Variants in MGAT4C observed in about 807,000 individuals in gnomAD.
MGAT4C encodes the protein MGAT4 family member C.
MGAT4C carries 19 observed loss-of-function variants against 40.1 expected under a neutral mutation model. The ratio of observed to expected loss-of-function variants is 0.47; its 90% CI spans 0.33 to 0.70. The LOEUF is 0.70. Ranked by LOEUF, MGAT4C falls within the 30% of genes least tolerant of loss-of-function variation. The pLI is 0.02. For missense variants in MGAT4C, 491 were observed against 563.2 expected (o/e 0.87, Z 1.30); for synonymous variants, 181 against 187.1 (o/e 0.97, Z 0.27).
At chr12:86,046,767 C>G (rs1304083286) in intron 2 of MGAT4C, among the ~76,000 whole-genome samples, 2 of 152,102 alleles carry the variant, frequency 1.3e-5, no homozygotes, top group African/African-American at 4.8e-5. Context: ...TGTCACAATA[C>G]ACAGTGAAGG....
At chr12:86,628,108 T>G (rs193074020) in intron 2 of MGAT4C, among the ~76,000 whole-genome samples, 1 of 152,284 alleles carries the variant, frequency 6.6e-6, no homozygotes, top group Non-Finnish European at 1.5e-5. Context: ...TGCACAAGCT[T>G]CAGTAGCTGA....
In MGAT4C at chr12:86,807,634, T is replaced by C. The variant is rs565305395; in HGVS notation, c.-262+31032A>G. On this transcript the variant is annotated intron_variant, in intron 1 of 7. Coordinates refer to the MGAT4C transcript ENST00000548651. ...AGAATGATTTATATTCCTTTGCATA[T>C]ATAACCACTAATGGGATTGCTGGGT... Among the ~76,000 whole-genome samples the C allele has an allele frequency of 2.0e-5, 3 of 152,284 alleles. No homozygotes were observed. The East Asian group carries it at 5.8e-4, about 29-fold the overall frequency.
rs1275637736 is a variant in MGAT4C at position 85,967,890 on chromosome 12, C to T, written c.*11399G>A. ...TGTTTTTCTTGACTCAAATAGCTAT[C>T]TCAAGTTTCGTACACTTTTTAGATC... On this transcript the variant is annotated 3_prime_UTR_variant, in exon 5 of 5. Transcript: ENST00000611864. 2 of 152,008 alleles carry T rather than the reference C, an allele frequency of 1.3e-5. No homozygotes were observed. Among genetic ancestry groups the T allele is most frequent in the African/African-American group, 4.8e-5 (2 of 41,424 alleles). 9.4% of individuals were successfully genotyped at this position (152,008 alleles called of 1,614,324 possible).
At chr12:86,695,994 G>A (rs143767045) in intron 2 of MGAT4C, among the ~76,000 whole-genome samples, 4,730 of 152,004 alleles carry the variant, frequency 0.031, 120 homozygotes, top group African/African-American at 0.074. Flanking sequence ...GGCAGATCAT[G>A]AGGTCAGGAG....
intron 1 of MGAT4C, among the ~76,000 whole-genome samples, chr12:86,248,487 C>T (rs1365768364): frequency 6.6e-6 from 1 of 152,018 alleles, no homozygotes; most frequent in African/African-American, 2.4e-5. Flanking sequence ...CCCTCAGAAC[C>T]ATGTTCTCTT....
intron 1 of MGAT4C, among the ~76,000 whole-genome samples, chr12:86,061,314 G>A (rs778689935): frequency 2.0e-5 from 3 of 151,984 alleles, no homozygotes; most frequent in African/African-American, 2.4e-5. Context: ...CTTGAGGAAC[G>A]GTGCACTCCA....
rs1466485425 is a variant in MGAT4C at position 86,067,455 on chromosome 12, G to C, written c.-56-17732C>G. Among the ~76,000 whole-genome samples the C allele has an allele frequency of 1.4e-4, 21 of 150,224 alleles. No individual in the cohort carries two copies. In the Admixed American group the frequency reaches 1.4e-3, roughly 10 times the overall value. On this transcript the variant is annotated intron_variant, in intron 1 of 4. Transcript: ENST00000611864. Reference sequence around the variant, plus strand: ...CATACTTCTCAGCAAACTAACACAAGAACAGAAAACCAAACACCACATGTT... The same window carrying C: ...CATACTTCTCAGCAAACTAACACAACAACAGAAAACCAAACACCACATGTT...
At chr12:86,159,752 T>A (rs1259970011) in intron 1 of MGAT4C, among the ~76,000 whole-genome samples, 1 of 152,096 alleles carries the variant, frequency 6.6e-6, no homozygotes, top group African/African-American at 2.4e-5. Context: ...CCTCATTCAA[T>A]CTTGGGAGAT....
At chr12:86,057,959 G>T (rs753275956) in intron 1 of MGAT4C, among the ~76,000 whole-genome samples, 2 of 152,014 alleles carry the variant, frequency 1.3e-5, no homozygotes, top group Non-Finnish European at 2.9e-5. Context: ...TATTATTATA[G>T]ATTTACTTAA....
intron 1 of MGAT4C, among the ~76,000 whole-genome samples, chr12:86,244,379 T>C (rs947032089): frequency 6.6e-6 from 1 of 152,204 alleles, no homozygotes; most frequent in African/African-American, 2.4e-5. Flanking sequence ...CATTGCCTCC[T>C]TCTAAAAGTA....
At chr12:86,678,496 G>C (rs976984026) in intron 2 of MGAT4C, among the ~76,000 whole-genome samples, 4 of 151,036 alleles carry the variant, frequency 2.6e-5, no homozygotes, top group African/African-American at 9.8e-5. Flanking sequence ...AGTTACATAT[G>C]TATACATGTG....
intron 4 of MGAT4C, among the ~76,000 whole-genome samples, chr12:86,290,277 T>C (rs1953474805): frequency 6.6e-6 from 1 of 152,156 alleles, no homozygotes; most frequent in Admixed American, 6.5e-5. Context: ...CCTCAGGTGA[T>C]CTGGCTGCCT....
intron 1 of MGAT4C, among the ~76,000 whole-genome samples, chr12:86,802,442 G>A (rs1485061288): frequency 1.3e-5 from 2 of 151,976 alleles, no homozygotes; most frequent in Admixed American, 1.3e-4. Flanking sequence ...GTTTGAAAAT[G>A]ATCATTCATT....
chr12:86,253,132 A>T (rs1952368909), intron 1 of MGAT4C, among the ~76,000 whole-genome samples: 1 of 151,964 alleles, frequency 6.6e-6, no homozygotes, highest in Admixed American at 6.6e-5. Context: ...TTTTGGTTTT[A>T]ATTAGCCACA....
chr12:86,566,493 T>G, intron 2 of MGAT4C, among the ~76,000 whole-genome samples: 1 of 136,464 alleles, frequency 7.3e-6, no homozygotes, highest in Non-Finnish European at 1.6e-5. Context: ...TTGTGGGACT[T>G]TGTGATCATG....
At chr12:86,793,088 C>G (rs1203895923) in intron 1 of MGAT4C, among the ~76,000 whole-genome samples, 1 of 152,176 alleles carries the variant, frequency 6.6e-6, no homozygotes, top group Non-Finnish European at 1.5e-5. Context: ...CTAGAAAATA[C>G]TATCTCATCT....
At chr12:86,603,525 CTA>C (rs1221132941) in intron 2 of MGAT4C, among the ~76,000 whole-genome samples, 3 of 21,984 alleles carry the variant, frequency 1.4e-4, no homozygotes, top group African/African-American at 2.7e-4. Context: ...AGTCTATAGA[CTA>C]TATATAGTCT....
At chr12:85,998,104 G>T (rs1374656514) in intron 2 of MGAT4C, among the ~76,000 whole-genome samples, 1 of 152,176 alleles carries the variant, frequency 6.6e-6, no homozygotes, top group Non-Finnish European at 1.5e-5. Context: ...GCACTCTCAG[G>T]CTCAATACCA....
intron 1 of MGAT4C, among the ~76,000 whole-genome samples, chr12:86,246,544 T>A (rs903651043): frequency 2.1e-4 from 32 of 152,214 alleles, no homozygotes; most frequent in African/African-American, 6.8e-4. Flanking sequence ...TTTGGATATA[T>A]TGCTATCTTT....
Sources: gnomAD v4.1 joint callset for allele counts (sites outside exome capture counted in the v4.1 genomes callset) on GRCh38, gnomAD v4.1.1 for gene constraint, MANE v1.5 for transcripts, NCBI Gene and HGNC (gene_info 2026-07-23, HGNC 2026-07-21) for gene names.